Variants in ATRNL1 observed in about 807,000 individuals in gnomAD.
ATRNL1 encodes the protein attractin-like protein 1.
In ATRNL1, 95 loss-of-function variants were observed where a neutral mutation model predicts 182.7. The ratio of observed to expected loss-of-function variants is 0.52; its 90% CI spans 0.44 to 0.62. The LOEUF is 0.62. ATRNL1 is among the 20% of genes least tolerant of loss of function. The pLI is 0.00. For synonymous variants in ATRNL1, 576 were observed against 568.3 expected, an observed-to-expected ratio of 1.01 and a Z score of -0.19; for missense variants, 1,471 against 1,679.5, an observed-to-expected ratio of 0.88 and a Z score of 2.17.
chr10:115,111,357 C>T (rs1048589664), intron 1 of ATRNL1, among the ~76,000 whole-genome samples: 5 of 152,118 alleles, frequency 3.3e-5, no homozygotes, highest in South Asian at 4.1e-4. Context: ...TGTATTGCTA[C>T]GAAGGAATAC....
chr10:115,464,917 G>T (rs2134545670), intron 22 of ATRNL1, among the ~76,000 whole-genome samples: 1 of 151,722 alleles, frequency 6.6e-6, no homozygotes, highest in African/African-American at 2.4e-5. Context: ...GATGAAGAAA[G>T]AGAAGAAAAA....
intron 28 of ATRNL1, among the ~76,000 whole-genome samples, chr10:115,933,005 C>A (rs1953449470): frequency 7.3e-6 from 1 of 136,756 alleles, no homozygotes; most frequent in Non-Finnish European, 1.5e-5. Context: ...CAAACAAAAA[C>A]ACATTCCTGT....
chr10:115,635,292 T>C (rs1281460411), intron 26 of ATRNL1, among the ~76,000 whole-genome samples: 62 of 144,498 alleles, frequency 4.3e-4, no homozygotes, highest in African/African-American at 1.6e-3. Flanking sequence ...TGAAAAAAGA[T>C]AGAGACAACA....
chr10:115,521,396 G>A (rs1246349354), intron 25 of ATRNL1, among the ~76,000 whole-genome samples: 1 of 151,968 alleles, frequency 6.6e-6, no homozygotes, highest in African/African-American at 2.4e-5. Context: ...CAGATGATCT[G>A]CCCACCTCGG....
In ATRNL1 at chr10:115,153,684, A is replaced by AT. The variant is rs557967190; in HGVS notation, c.830-6349dup. On this transcript the variant is annotated intron_variant, in intron 5 of 28. Coordinates refer to ENST00000355044, the MANE Select transcript of ATRNL1 (RefSeq NM_207303.4). Reference sequence around the variant, plus strand: ...CCAGCTCCTGCTCCTGGATTCATTGATTTTTTTGAAGGGTTTTTTGTGTCT... The same window carrying AT: ...CCAGCTCCTGCTCCTGGATTCATTGATTTTTTTTGAAGGGTTTTTTGTGTCT... Among the ~76,000 whole-genome samples, 250 of 151,462 alleles carry AT rather than the reference A, an allele frequency of 1.7e-3. 3 individuals are homozygous for AT. The highest frequency in any genetic ancestry group is 5.9e-3 in the African/African-American group (244 of 41,284).
chr10:115,275,995 A>G (rs150291595), intron 13 of ATRNL1, among the ~76,000 whole-genome samples: 2 of 152,302 alleles, frequency 1.3e-5, no homozygotes, highest in Admixed American at 6.5e-5. Context: ...GCCCATATCA[A>G]TAAATTTTGC....
chr10:115,685,002 A>G (rs1267727594), intron 26 of ATRNL1, among the ~76,000 whole-genome samples: 1 of 151,776 alleles, frequency 6.6e-6, no homozygotes, highest in Admixed American at 6.6e-5. Context: ...TTATCCACAG[A>G]TAGAATTAGC....
chr10:115,118,015 T>C (rs1437879764), intron 1 of ATRNL1, among the ~76,000 whole-genome samples: 1 of 152,210 alleles, frequency 6.6e-6, no homozygotes, highest in African/African-American at 2.4e-5. Context: ...GAGAAATGTC[T>C]GTTCAAACCT....
At chr10:115,764,346 C>T (rs1948804512) in intron 27 of ATRNL1, among the ~76,000 whole-genome samples, 1 of 152,024 alleles carries the variant, frequency 6.6e-6, no homozygotes, top group African/African-American at 2.4e-5. Context: ...CACTAGAGTT[C>T]ACTCTTTGAG....
chr10:115,280,002 T>A (rs1289757715), intron 13 of ATRNL1, among the ~76,000 whole-genome samples: 2 of 152,290 alleles, frequency 1.3e-5, no homozygotes, highest in East Asian at 3.9e-4. Flanking sequence ...GGCTCCATTA[T>A]GAAATCATTG....
At chr10:115,094,537 T>G (rs2084964582) in intron 1 of ATRNL1, among the ~76,000 whole-genome samples, 1 of 152,222 alleles carries the variant, frequency 6.6e-6, no homozygotes, top group Non-Finnish European at 1.5e-5. Flanking sequence ...AACATTTATT[T>G]AGTCATCATA....
Position 115,153,501 on chromosome 10 carries a change from A to T in ATRNL1, c.830-6539A>T, listed in dbSNP as rs1392015397. 2.6e-5 allele frequency among the ~76,000 whole-genome samples: 4 copies of T among 152,108 alleles called. No individual in the cohort carries two copies. The South Asian group carries it at 8.3e-4, about 32-fold the overall frequency. ...TAGATTTTCTAGTTTATTTGCGTAG[A>T]GATGTTTATAGTATTTTCTGATGGT... is the stretch of plus-strand genomic sequence containing the variant. On this transcript the variant is annotated intron_variant, in intron 5 of 28. Coordinates refer to ENST00000355044, the MANE Select transcript of ATRNL1 (RefSeq NM_207303.4).
chr10:115,176,515 T>C (rs889245729), intron 8 of ATRNL1, among the ~76,000 whole-genome samples: 3 of 152,090 alleles, frequency 2.0e-5, no homozygotes, highest in Non-Finnish European at 2.9e-5. Flanking sequence ...GTCGATCTGT[T>C]GGATTTTTTA....
rs182435638 is a variant in ATRNL1, at chr10:115,738,087, T to C, written c.3903+10732T>C. 2.0e-5 allele frequency among the ~76,000 whole-genome samples: 3 copies of C among 147,090 alleles called. No individual in the cohort carries two copies. In the East Asian group the frequency reaches 6.3e-4, roughly 31 times the overall value. ...TAGACAGAAGGAAATTGTAAGGAAA[T>C]TGCCAAATTCTTCATAAAAAATGAT... On this transcript the variant is annotated intron_variant, in intron 27 of 28. Transcript: ENST00000355044.
chr10:115,260,914 A>G (rs1445660344), intron 10 of ATRNL1, among the ~76,000 whole-genome samples: 1 of 152,122 alleles, frequency 6.6e-6, no homozygotes, highest in Non-Finnish European at 1.5e-5. Context: ...GAATTGAAAA[A>G]GCAAAGAACA....
chr10:115,295,243 A>G (rs1431691795), intron 15 of ATRNL1, among the ~76,000 whole-genome samples: 1 of 152,106 alleles, frequency 6.6e-6, no homozygotes. Flanking sequence ...TGCCAGGAAC[A>G]ACCCACAGGG....
rs562543953 is a variant in ATRNL1, at chr10:115,202,584, A to G, written c.1349-13113A>G. Among the ~76,000 whole-genome samples the G allele has an allele frequency of 5.9e-5, 9 of 151,504 alleles. No homozygotes were observed. In the East Asian group the frequency reaches 1.6e-3, roughly 26 times the overall value. On this transcript the variant is annotated intron_variant, in intron 8 of 28. Coordinates refer to ENST00000355044, the MANE Select transcript of ATRNL1 (RefSeq NM_207303.4). ...ACCTTGCATCCCAGGGATGAAGCCC[A>G]CTTGATCATGGTGGATAAGCTTTTT...
At chr10:115,351,380 G>A (rs1055772946) in intron 19 of ATRNL1, among the ~76,000 whole-genome samples, 1 of 151,926 alleles carries the variant, frequency 6.6e-6, no homozygotes, top group Non-Finnish European at 1.5e-5. Flanking sequence ...CCAGTGGTGG[G>A]ATTGTTTTAT....
At chr10:115,565,617 A>G (rs548989048) in intron 26 of ATRNL1, among the ~76,000 whole-genome samples, 2 of 152,262 alleles carry the variant, frequency 1.3e-5, no homozygotes, top group South Asian at 4.1e-4. Flanking sequence ...AAATTAACTT[A>G]GAATGACTTA....
Sources: allele counts gnomAD v4.1 joint callset (sites outside exome capture counted in the v4.1 genomes callset), GRCh38; gene constraint gnomAD v4.1.1; transcripts MANE v1.5; gene names NCBI Gene and HGNC (gene_info 2026-07-23, HGNC 2026-07-21).